SP100: variants seen among roughly 807,000 people sequenced by gnomAD.
The protein encoded by SP100 is nuclear autoantigen Sp-100.
Under a neutral mutation model 130.0 loss-of-function variants are expected in SP100, and 84 were observed. The observed-to-expected ratio is 0.65, with a 90% CI of 0.54 to 0.77. SP100 has a LOEUF of 0.77. SP100 is among the 30% of genes least tolerant of loss of function. The probability of loss-of-function intolerance (pLI) is 0.00; values close to 1 mark genes in which losing one functional copy is unlikely to be tolerated. For missense variants in SP100, 978 were observed against 1,052.2 expected (o/e 0.93, Z 0.97); for synonymous variants, 331 against 351.7 (o/e 0.94, Z 0.66).
rs113454138 is a variant in SP100 at position 230,515,436 on chromosome 2, A to G, written c.2094+4270A>G. On this transcript the variant is annotated intron_variant, in intron 24 of 28. Coordinates refer to ENST00000340126, the MANE Select transcript of SP100 (RefSeq NM_001080391.2). ...CAGGGATGTGGAATAACACCGCTGCAGCTGACAAGCAGTTTTATGAAAAGA... is the reference window on the plus strand; with the variant it reads ...CAGGGATGTGGAATAACACCGCTGCGGCTGACAAGCAGTTTTATGAAAAGA... 23 of 1,613,812 alleles carry G rather than the reference A, an allele frequency of 1.4e-5. No homozygotes were observed. The African/African-American group carries it at 1.9e-4, about 13-fold the overall frequency.
intron 2 of SP100, among the ~76,000 whole-genome samples, chr2:230,418,139 T>G (rs1019364847): frequency 6.6e-6 from 1 of 152,204 alleles, no homozygotes; most frequent in African/African-American, 2.4e-5. Flanking sequence ...AAAATATTCT[T>G]ACATTGGAGC....
chr2:230,522,886 C>T lies in SP100; in HGVS notation c.2094+11720C>T, dbSNP rs1575801807. Among the ~76,000 whole-genome samples the T allele has an allele frequency of 5.3e-5, 8 of 152,096 alleles. 3 individuals carry two copies. The highest frequency in any genetic ancestry group is 5.2e-4 in the Admixed American group (8 of 15,260). Reference sequence around the variant, plus strand: ...TTGGAGTGCAGTGGTGCCATTTCAGCTCACTGAAACCTCCATTTCCTAGGT... The same window carrying T: ...TTGGAGTGCAGTGGTGCCATTTCAGTTCACTGAAACCTCCATTTCCTAGGT... On this transcript the variant is annotated intron_variant, in intron 24 of 28. Coordinates refer to ENST00000340126, the MANE Select transcript of SP100 (RefSeq NM_001080391.2).
chr2:230,447,250 G>C (rs2063751309), intron 5 of SP100, among the ~76,000 whole-genome samples: 1 of 152,174 alleles, frequency 6.6e-6, no homozygotes, highest in African/African-American at 2.4e-5. Flanking sequence ...TCAAAGAGGA[G>C]ACCCCTGGGG....
chr2:230,478,430 G>A (rs1445379600), intron 17 of SP100, among the ~76,000 whole-genome samples: 1 of 152,196 alleles, frequency 6.6e-6, no homozygotes, highest in Non-Finnish European at 1.5e-5. Context: ...TCTTCAAATA[G>A]CTCTCCTAAG....
intron 2 of SP100, among the ~76,000 whole-genome samples, chr2:230,442,673 G>T (rs762764019): frequency 3.9e-5 from 6 of 151,986 alleles, no homozygotes; most frequent in Non-Finnish European, 7.4e-5. Flanking sequence ...TCCATATATG[G>T]TTAGGTGAAG....
intron 24 of SP100, among the ~76,000 whole-genome samples, chr2:230,522,811 A>C (rs796635089): frequency 4.6e-5 from 7 of 151,276 alleles, no homozygotes; most frequent in African/African-American, 1.5e-4. Flanking sequence ...TTTTTAAAAA[A>C]TATTTTTTAC....
Position 230,473,450 on chromosome 2 carries a change from C to T in SP100, c.1546+10C>T, listed in dbSNP as rs1415021396. 1.3e-6 allele frequency: 2 copies of T among 1,549,430 alleles called. No homozygotes were observed. Among genetic ancestry groups the T allele is most frequent in the Admixed American group, 3.3e-5 (2 of 59,904 alleles). ...GCATCTGACATGATGGGTAAGGCTA[C>T]CCTAGGGTCTTGGGATGGAAGTGGC... On this transcript the variant is annotated intron_variant, in intron 16 of 28. Transcript: ENST00000340126.
At chr2:230,487,444 C>A (rs2066163871) in intron 17 of SP100, among the ~76,000 whole-genome samples, 1 of 152,208 alleles carries the variant, frequency 6.6e-6, no homozygotes, top group Non-Finnish European at 1.5e-5. Context: ...TTCCCCATTA[C>A]TTGTCTTTGT....
chr2:230,459,956 G>A (rs776393730), intron 8 of SP100, among the ~76,000 whole-genome samples: 6 of 152,294 alleles, frequency 3.9e-5, no homozygotes, highest in Non-Finnish European at 7.4e-5. Context: ...GCACCTGCGC[G>A]TTCCCCGTCA....
chr2:230,510,016 A>T (rs1690457493), intron 23 of SP100: 1 of 152,644 alleles, frequency 6.6e-6, no homozygotes, highest in Non-Finnish European at 1.5e-5. Context: ...TGAATAACTC[A>T]TGGGATGGAG....
intron 2 of SP100, among the ~76,000 whole-genome samples, chr2:230,427,884 A>G (rs1401197327): frequency 6.6e-6 from 1 of 152,172 alleles, no homozygotes; most frequent in Non-Finnish European, 1.5e-5. Flanking sequence ...TACTTTTTAT[A>G]TTCTGTCTCC....
chr2:230,462,203 G>C (rs1348750378), intron 9 of SP100, among the ~76,000 whole-genome samples: 1 of 152,088 alleles, frequency 6.6e-6, no homozygotes, highest in African/African-American at 2.4e-5. Flanking sequence ...GAGGGTTGGG[G>C]TAAGAACAGT....
intron 24 of SP100, among the ~76,000 whole-genome samples, chr2:230,512,417 G>A (rs982352390): frequency 1.3e-5 from 2 of 149,054 alleles, no homozygotes; most frequent in Non-Finnish European, 3.0e-5. Context: ...AGCCTCCCAA[G>A]TAGCTGGGAC....
At chr2:230,490,397 T>G (rs1312455199) in intron 17 of SP100, among the ~76,000 whole-genome samples, 1 of 152,196 alleles carries the variant, frequency 6.6e-6, no homozygotes, top group Non-Finnish European at 1.5e-5. Context: ...TCTTTACAGG[T>G]GAGATGGGTC....
rs149775014 is a variant in SP100, at chr2:230,418,950, A to T, written c.107+1285A>T. ...CAAATTTGCCTGTCAAAATCTCGAG[A>T]TTTTGTGTGGAACTGCACTGGATCT... On this transcript the variant is annotated intron_variant, in intron 2 of 28. Transcript: ENST00000340126. Among the ~76,000 whole-genome samples, 499 of 152,188 alleles carry T rather than the reference A, an allele frequency of 3.3e-3. 3 individuals are homozygous for T. The highest frequency in any genetic ancestry group is 0.012 in the African/African-American group (478 of 41,510).
chr2:230,520,606 C>T (rs1258437061), intron 24 of SP100: 1 of 152,226 alleles, frequency 6.6e-6, no homozygotes, highest in Admixed American at 6.5e-5. Context: ...TCGGAGGCCG[C>T]ATATGTCGTC....
At chr2:230,478,636 T>C (rs1404892879) in intron 17 of SP100, among the ~76,000 whole-genome samples, 1 of 152,206 alleles carries the variant, frequency 6.6e-6, no homozygotes, top group African/African-American at 2.4e-5. Flanking sequence ...TCGAGGGGCC[T>C]TTCCTTTCAT....
In SP100 at chr2:230,504,304, TC is replaced by T; in HGVS notation, c.1870+16del. ...GATTCAAACAAGGTGAGTTTACTGGTCCATCTACGATTTTCAGCTGGAAAAT... is the reference window on the plus strand; with the variant it reads ...GATTCAAACAAGGTGAGTTTACTGGTCATCTACGATTTTCAGCTGGAAAAT... On this transcript the variant is annotated intron_variant, in intron 21 of 28. Coordinates refer to ENST00000340126, the MANE Select transcript of SP100 (RefSeq NM_001080391.2). 1 of 1,436,050 alleles carries T rather than the reference TC, an allele frequency of 7.0e-7. No homozygotes were observed. The highest frequency in any genetic ancestry group is 9.8e-7 in the Non-Finnish European group (1 of 1,021,784). The allele number at this position is 1,436,050 out of a possible 1,614,324, so 89.0% of individuals were successfully genotyped here. A position where few individuals can be genotyped will look rare whatever the true frequency, so the allele number is the denominator to read the frequency against.
At chr2:230,539,956 A>T (rs952353536) in intron 25 of SP100, among the ~76,000 whole-genome samples, 7 of 152,134 alleles carry the variant, frequency 4.6e-5, no homozygotes, top group African/African-American at 1.7e-4. Context: ...GGCTGAGAGG[A>T]TGATCTCTAC....
Sources: gnomAD v4.1 joint callset for allele counts (sites outside exome capture counted in the v4.1 genomes callset) on GRCh38, gnomAD v4.1.1 for gene constraint, MANE v1.5 for transcripts, NCBI Gene and HGNC (gene_info 2026-07-23, HGNC 2026-07-21) for gene names.